NCALD: variants seen among roughly 807,000 people sequenced by gnomAD.
The protein encoded by NCALD is neurocalcin-delta.
A neutral mutation model predicts 18.6 loss-of-function variants in NCALD; 10 were observed. The ratio of observed to expected loss-of-function variants is 0.54; its 90% CI spans 0.33 to 0.91. NCALD has a LOEUF of 0.91. NCALD is among the 40% of genes least tolerant of loss of function. The pLI, the probability that NCALD is intolerant of heterozygous loss-of-function variation, is 0.03. For missense variants in NCALD, 184 were observed against 247.6 expected (o/e 0.74, Z 1.72); for synonymous variants, 88 against 87.4 (o/e 1.01, Z -0.04).
At chr8:101,939,791 G>T (rs75233898) in intron 2 of NCALD, among the ~76,000 whole-genome samples, 3,903 of 152,268 alleles carry the variant, frequency 0.026, 184 homozygotes, top group African/African-American at 0.088. Flanking sequence ...CATTGGTGAG[G>T]TATTTCCCAT....
intron 2 of NCALD, among the ~76,000 whole-genome samples, chr8:101,716,381 A>C (rs188573699): frequency 6.6e-6 from 1 of 152,132 alleles, no homozygotes; most frequent in Non-Finnish European, 1.5e-5. Flanking sequence ...TGACGGGTTG[A>C]TGGGTGCAGC....
At chr8:102,123,462 A>AG (rs1488791507) in intron 1 of NCALD, among the ~76,000 whole-genome samples, 1 of 150,830 alleles carries the variant, frequency 6.6e-6, no homozygotes, top group Non-Finnish European at 1.5e-5. Flanking sequence ...CAGCATTAGA[A>AG]AAAAAAAAAA....
At chr8:101,866,178 C>T (rs897033184) in intron 4 of NCALD, among the ~76,000 whole-genome samples, 2 of 152,218 alleles carry the variant, frequency 1.3e-5, no homozygotes, top group Non-Finnish European at 2.9e-5. Context: ...TCAGCCTCAC[C>T]TCCCAGCATC....
rs192732411 is a variant in NCALD, at chr8:101,914,559, A to T, written c.-107+1250T>A. The stretch of plus-strand genomic sequence containing the variant: ...CCCTGAAAGGCAGAGTATCTTACAT[A>T]CATTATTTGGAATTCTTCTACATTC... On this transcript the variant is annotated intron_variant, in intron 3 of 6. Coordinates refer to the NCALD transcript ENST00000311028. 2.6e-5 allele frequency among the ~76,000 whole-genome samples: 4 copies of T among 152,300 alleles called. No individual in the cohort carries two copies. In the East Asian group the frequency reaches 7.7e-4, roughly 29 times the overall value.
chr8:101,810,268 T>A (rs1813257555), intron 4 of NCALD, among the ~76,000 whole-genome samples: 1 of 152,228 alleles, frequency 6.6e-6, no homozygotes, highest in Non-Finnish European at 1.5e-5. Flanking sequence ...AACCCCTTTA[T>A]GCCTTGATTG....
intron 3 of NCALD, chr8:101,690,310 C>G: frequency 3.0e-6 from 3 of 984,830 alleles, no homozygotes; most frequent in Non-Finnish European, 3.6e-6. Context: ...AAGTGACATG[C>G]TCGATTGGTA....
chr8:101,823,475 G>A (rs1481656475), intron 4 of NCALD, among the ~76,000 whole-genome samples: 1 of 152,140 alleles, frequency 6.6e-6, no homozygotes, highest in African/African-American at 2.4e-5. Flanking sequence ...GGCCTACCTT[G>A]TAATTTCACA....
intron 1 of NCALD, among the ~76,000 whole-genome samples, chr8:101,742,608 A>C (rs1459391161): frequency 6.6e-6 from 1 of 152,232 alleles, no homozygotes; most frequent in Non-Finnish European, 1.5e-5. Context: ...TTTCGTAGCA[A>C]AAAATAAAAA....
At chr8:101,780,621 GA>G (rs1811971665) in intron 1 of NCALD, among the ~76,000 whole-genome samples, 1 of 151,992 alleles carries the variant, frequency 6.6e-6, no homozygotes. Context: ...TTGGGAAGAT[GA>G]AAAAGCTCTG....
At position 101,930,465 on chromosome 8, in the gene NCALD, T is replaced by G. The variant is rs1818532586; in HGVS notation, c.-156-14607A>C. 2.0e-5 allele frequency among the ~76,000 whole-genome samples: 3 copies of G among 152,044 alleles called. No individual in the cohort carries two copies. The South Asian group carries it at 6.2e-4, about 32-fold the overall frequency. On this transcript the variant is annotated intron_variant, in intron 2 of 6. Transcript: ENST00000311028. ...TGAAAATTTTATAAAAATGTGGCTA[T>G]GTGAGCTCAATGCCAGGGTGCCTTG...
chr8:101,747,695 T>A (rs1379900976), intron 1 of NCALD, among the ~76,000 whole-genome samples: 1 of 152,042 alleles, frequency 6.6e-6, no homozygotes, highest in African/African-American at 2.4e-5. Context: ...GTTCCCTTTT[T>A]ACACTGAGCT....
At chr8:102,121,964 T>C (rs1825957225) in intron 1 of NCALD, among the ~76,000 whole-genome samples, 1 of 152,266 alleles carries the variant, frequency 6.6e-6, no homozygotes, top group African/African-American at 2.4e-5. Context: ...TGTTTGTTTA[T>C]TCATTCAACA....
At chr8:102,050,814 C>A (rs1266890594) in intron 1 of NCALD, among the ~76,000 whole-genome samples, 2 of 138,802 alleles carry the variant, frequency 1.4e-5, no homozygotes, top group South Asian at 2.4e-4. Flanking sequence ...TTAATTTAAT[C>A]ATTTTTAATT....
At chr8:101,787,395 C>G (rs535607829) in intron 1 of NCALD, among the ~76,000 whole-genome samples, 1 of 152,056 alleles carries the variant, frequency 6.6e-6, no homozygotes, top group Non-Finnish European at 1.5e-5. Context: ...ATTTCAAATG[C>G]GAGGGATTTG....
chr8:102,099,506 C>T (rs1393203058), intron 1 of NCALD, among the ~76,000 whole-genome samples: 1 of 151,984 alleles, frequency 6.6e-6, no homozygotes, highest in Non-Finnish European at 1.5e-5. Flanking sequence ...ACAATATGCC[C>T]ATATCAAGAT....
At chr8:101,692,633 C>T in intron 3 of NCALD, 158 bp downstream of exon 3, 1 of 960,002 alleles carries the variant, frequency 1.0e-6, no homozygotes, top group Non-Finnish European at 1.2e-6. Context: ...GCTCAGCTCT[C>T]CTGTGGCCAC....
chr8:101,947,887 G>A (rs1297202185), intron 2 of NCALD, among the ~76,000 whole-genome samples: 1 of 152,188 alleles, frequency 6.6e-6, no homozygotes, highest in Non-Finnish European at 1.5e-5. Flanking sequence ...CACGTGCAAA[G>A]GTCCTGAGGC....
At chr8:101,783,264 G>T (rs1812090166) in intron 1 of NCALD, among the ~76,000 whole-genome samples, 1 of 152,174 alleles carries the variant, frequency 6.6e-6, no homozygotes, top group Non-Finnish European at 1.5e-5. Flanking sequence ...TGAGAAGAGA[G>T]TTGGGGCATT....
At position 101,852,638 on chromosome 8, in the gene NCALD, G is replaced by A. The variant is rs538257019; in HGVS notation, c.-20+34503C>T. On this transcript the variant is annotated intron_variant, in intron 4 of 6. Coordinates refer to the NCALD transcript ENST00000311028. ...GAAATGCATTTTGCAGCAGGTCCTC[G>A]CTGTACTGGGGCAGCGTCCATTCAT... The A allele has an allele frequency of 7.9e-5, 12 of 152,300 alleles. 1 individual carries two copies. The highest frequency in any genetic ancestry group is 2.9e-4 in the African/African-American group (12 of 41,562). 9.4% of individuals were successfully genotyped at this position (152,300 alleles called of 1,614,324 possible).
Sources: gnomAD v4.1 joint callset for allele counts (sites outside exome capture counted in the v4.1 genomes callset) on GRCh38, gnomAD v4.1.1 for gene constraint, MANE v1.5 for transcripts, NCBI Gene and HGNC (gene_info 2026-07-23, HGNC 2026-07-21) for gene names.